Variants in PCDH15 observed in about 807,000 individuals in gnomAD.
The protein encoded by PCDH15 is protocadherin-15.
In PCDH15, 129 loss-of-function variants were observed where a neutral mutation model predicts 178.5. The ratio of observed to expected loss-of-function variants is 0.72; its 90% CI spans 0.63 to 0.84. PCDH15 has a LOEUF of 0.84. Ranked by LOEUF, PCDH15 falls within the 40% of genes least tolerant of loss-of-function variation. The pLI, the probability that PCDH15 is intolerant of heterozygous loss-of-function variation, is 0.00. For synonymous variants in PCDH15, 800 were observed against 732.0 expected (o/e 1.09, Z -1.50); for missense variants, 2,230 against 2,099.9 (o/e 1.06, Z -1.21).
At chr10:55,231,838 C>G (rs1841234225) in intron 1 of PCDH15, among the ~76,000 whole-genome samples, 1 of 151,842 alleles carries the variant, frequency 6.6e-6, no homozygotes, top group Non-Finnish European at 1.5e-5. Flanking sequence ...TAATTTATTA[C>G]TAAATTCTCG....
intron 23 of PCDH15, among the ~76,000 whole-genome samples, chr10:53,957,974 T>C (rs1398915219): frequency 6.6e-6 from 1 of 152,238 alleles, no homozygotes; most frequent in Non-Finnish European, 1.5e-5. Flanking sequence ...CTGGTAATTA[T>C]ATTACATAAT....
chr10:54,396,115 G>C (rs1157377423), intron 3 of PCDH15, among the ~76,000 whole-genome samples: 1 of 152,168 alleles, frequency 6.6e-6, no homozygotes, highest in Non-Finnish European at 1.5e-5. Flanking sequence ...CTAAACCGGG[G>C]AGGACAAATG....
At chr10:55,506,909 G>A (rs1441487025) in intron 2 of PCDH15, among the ~76,000 whole-genome samples, 1 of 151,426 alleles carries the variant, frequency 6.6e-6, no homozygotes, top group Non-Finnish European at 1.5e-5. Context: ...ACAATTTTCT[G>A]AAAGCTGATT....
Position 54,200,269 on chromosome 10 carries a change from CTTTTTTTT to C in PCDH15, c.1099-4388_1099-4381del, listed in dbSNP as rs11377394. On this transcript the variant is annotated intron_variant, in intron 10 of 37. Transcript: ENST00000644397. ...ATTTATTGTGCATCTACAGAGCCCA[CTTTTTTTT>C]TTTTTTTTTTTTTGTATTTTAAATT... Among the ~76,000 whole-genome samples, 4 of 106,074 alleles carry C rather than the reference CTTTTTTTT, an allele frequency of 3.8e-5. No homozygotes were observed. In the South Asian group the frequency reaches 1.3e-3, roughly 35 times the overall value. 69.6% of individuals were successfully genotyped at this position (106,074 alleles called of 152,430 possible). A position where few individuals can be genotyped will look rare whatever the true frequency, so the allele number is the denominator to read the frequency against.
intron 2 of PCDH15, among the ~76,000 whole-genome samples, chr10:55,466,409 A>G (rs995802651): frequency 6.6e-6 from 1 of 152,174 alleles, no homozygotes; most frequent in African/African-American, 2.4e-5. Context: ...GATCCACAAT[A>G]AATAAATAAT....
At chr10:55,560,351 A>C (rs1005393521) in intron 2 of PCDH15, among the ~76,000 whole-genome samples, 8 of 151,982 alleles carry the variant, frequency 5.3e-5, no homozygotes, top group Admixed American at 4.6e-4. Flanking sequence ...GACTTATCAC[A>C]CCCAATAACA....
chr10:55,398,340 A>C (rs796574682), intron 2 of PCDH15, among the ~76,000 whole-genome samples: 11 of 152,250 alleles, frequency 7.2e-5, no homozygotes, highest in African/African-American at 2.6e-4. Flanking sequence ...CTCTAGAGAA[A>C]GCCCCTACAG....
At chr10:54,583,958 TAAAG>T (rs1204005653) in intron 2 of PCDH15, among the ~76,000 whole-genome samples, 2 of 152,178 alleles carry the variant, frequency 1.3e-5, no homozygotes, top group South Asian at 2.1e-4. Context: ...ATATTTGATC[TAAAG>T]AAAGAAATAT....
chr10:55,091,003 T>C lies in PCDH15; in HGVS notation c.-80+75573A>G, dbSNP rs569875501. ...CATGAAACAATGTCTGAGATCATCA[T>C]AGATACTGTTTACTTTATGACGTTA... On this transcript the variant is annotated intron_variant, in intron 2 of 5. Transcript: ENST00000458638. 4.7e-4 allele frequency among the ~76,000 whole-genome samples: 71 copies of C among 152,166 alleles called. 1 individual carries two copies. In the South Asian group the frequency reaches 0.014, roughly 30 times the overall value.
intron 2 of PCDH15, among the ~76,000 whole-genome samples, chr10:55,347,917 T>A (rs1190546932): frequency 1.3e-5 from 2 of 152,036 alleles, no homozygotes; most frequent in East Asian, 3.9e-4. Flanking sequence ...AACTTGAACC[T>A]TTTATTTATA....
chr10:54,965,885 T>C (rs944113316), intron 2 of PCDH15, among the ~76,000 whole-genome samples: 4 of 150,950 alleles, frequency 2.6e-5, no homozygotes, highest in African/African-American at 9.7e-5. Flanking sequence ...CACACACTCA[T>C]ATATATGCAC....
intron 2 of PCDH15, among the ~76,000 whole-genome samples, chr10:55,494,543 TAA>T (rs937009207): frequency 5.9e-5 from 9 of 151,740 alleles, no homozygotes; most frequent in African/African-American, 1.9e-4. Flanking sequence ...ATTTTATTGT[TAA>T]GAGGATATTT....
At chr10:53,877,402 C>G (rs959715835) in intron 26 of PCDH15, among the ~76,000 whole-genome samples, 4 of 152,126 alleles carry the variant, frequency 2.6e-5, no homozygotes, top group African/African-American at 9.7e-5. Context: ...AGAGGAAACA[C>G]TAGTTTAAAT....
chr10:55,308,586 T>A (rs960622097), intron 1 of PCDH15, among the ~76,000 whole-genome samples: 2 of 152,196 alleles, frequency 1.3e-5, no homozygotes, highest in Non-Finnish European at 1.5e-5. Flanking sequence ...AAGAAAATAA[T>A]CGTTTAAAAT....
chr10:55,445,239 C>G (rs1839289374), intron 2 of PCDH15, among the ~76,000 whole-genome samples: 1 of 152,020 alleles, frequency 6.6e-6, no homozygotes, highest in South Asian at 2.1e-4. Context: ...GTTTAAGTTC[C>G]TAGACTGGTG....
chr10:54,603,552 C>A (rs992687850), intron 2 of PCDH15, among the ~76,000 whole-genome samples: 3 of 151,134 alleles, frequency 2.0e-5, no homozygotes, highest in African/African-American at 7.3e-5. Context: ...CCATGTCTCT[C>A]GAGGCTGTGA....
intron 13 of PCDH15, among the ~76,000 whole-genome samples, chr10:54,161,223 A>G (rs542950794): frequency 2.1e-4 from 32 of 152,328 alleles, no homozygotes; most frequent in African/African-American, 7.5e-4. Context: ...AAACAGATAT[A>G]TAGCATTGAT....
At chr10:54,512,838 C>T (rs1379854552) in intron 3 of PCDH15, among the ~76,000 whole-genome samples, 2 of 151,964 alleles carry the variant, frequency 1.3e-5, no homozygotes, top group African/African-American at 2.4e-5. Context: ...TCATGATGCA[C>T]GTGTCTACTT....
At chr10:55,339,531 C>G (rs1206137763) in intron 2 of PCDH15, among the ~76,000 whole-genome samples, 2 of 152,056 alleles carry the variant, frequency 1.3e-5, no homozygotes, top group Non-Finnish European at 1.5e-5. Flanking sequence ...GTATACATAA[C>G]AGATACAAAA....
Sources: allele counts gnomAD v4.1 joint callset (sites outside exome capture counted in the v4.1 genomes callset), GRCh38; gene constraint gnomAD v4.1.1; transcripts MANE v1.5; gene names NCBI Gene and HGNC (gene_info 2026-07-23, HGNC 2026-07-21).